MAPKAPK2: variants seen among roughly 807,000 people sequenced by gnomAD.
MAPKAPK2 encodes MAP kinase-activated protein kinase 2.
Under a neutral mutation model 48.8 loss-of-function variants are expected in MAPKAPK2, and 9 were observed. The observed-to-expected ratio is 0.18, with a 90% CI of 0.11 to 0.32. The LOEUF (loss-of-function observed/expected upper bound fraction) is 0.32. Among genes scored for constraint, MAPKAPK2 ranks in the 10% least tolerant of loss-of-function variants. The pLI is 1.00. For synonymous variants in MAPKAPK2, 202 were observed against 190.6 expected (o/e 1.06, Z -0.49); for missense variants, 331 against 498.3 (o/e 0.66, Z 3.20).
At chr1:206,696,003 A>G in intron 1 of MAPKAPK2, 1 of 771,444 alleles carries the variant, frequency 1.3e-6, no homozygotes, top group Non-Finnish European at 2.4e-6. Context: ...TTCGATGTGT[A>G]GGGCAGTGAT....
intron 1 of MAPKAPK2, among the ~76,000 whole-genome samples, chr1:206,698,876 G>C (rs1553427479): frequency 6.6e-6 from 1 of 152,172 alleles, no homozygotes; most frequent in African/African-American, 2.4e-5. Flanking sequence ...AAGTGCAAAG[G>C]CAAAAGCCTG....
At chr1:206,710,192 ATG>A (rs1673093771) in intron 1 of MAPKAPK2, among the ~76,000 whole-genome samples, 1 of 152,228 alleles carries the variant, frequency 6.6e-6, no homozygotes, top group African/African-American at 2.4e-5. Context: ...GCCAGGATAT[ATG>A]TATTACAAGT....
chr1:206,706,705 G>A (rs367578129), intron 1 of MAPKAPK2, among the ~76,000 whole-genome samples: 9 of 152,212 alleles, frequency 5.9e-5, no homozygotes, highest in Admixed American at 5.2e-4. Flanking sequence ...CTGGGAAGAC[G>A]TTCAGGCCAC....
intron 1 of MAPKAPK2, among the ~76,000 whole-genome samples, chr1:206,686,437 G>C (rs555622804): frequency 6.6e-6 from 1 of 152,322 alleles, no homozygotes; most frequent in East Asian, 1.9e-4. Context: ...AAACACAATG[G>C]ACTGGGAGGT....
At chr1:206,688,505 T>C (rs576175708) in intron 1 of MAPKAPK2, among the ~76,000 whole-genome samples, 1 of 152,264 alleles carries the variant, frequency 6.6e-6, no homozygotes, top group Non-Finnish European at 1.5e-5. Flanking sequence ...CTGAGAACAG[T>C]CCCCAAAGTT....
intron 1 of MAPKAPK2, among the ~76,000 whole-genome samples, chr1:206,695,283 A>C (rs1553426827): frequency 6.6e-6 from 1 of 152,160 alleles, no homozygotes; most frequent in East Asian, 1.9e-4. Flanking sequence ...ACCCTCAGCT[A>C]TGGAAGGAAG....
At chr1:206,692,182 T>C (rs150216016) in intron 1 of MAPKAPK2, among the ~76,000 whole-genome samples, 2,092 of 151,912 alleles carry the variant, frequency 0.014, 24 homozygotes, top group Non-Finnish European at 0.019. Context: ...CCAGCCACTG[T>C]CTCCTTGCTT....
At chr1:206,727,908 C>A (rs1010019555) in intron 1 of MAPKAPK2, among the ~76,000 whole-genome samples, 2 of 152,216 alleles carry the variant, frequency 1.3e-5, no homozygotes, top group East Asian at 3.9e-4. Context: ...CAGGCACGAG[C>A]CACCGTGCCC....
chr1:206,730,607 G>A, intron 5 of MAPKAPK2, 81 bp from the exon 6 acceptor site: 1 of 1,217,480 alleles, frequency 8.2e-7, no homozygotes, highest in South Asian at 1.2e-5. Flanking sequence ...AGGTTGGGAT[G>A]GGGAGCATCT....
chr1:206,729,305 A>C, intron 3 of MAPKAPK2, 91 bp from the exon 4 acceptor site: 2 of 1,206,584 alleles, frequency 1.7e-6, no homozygotes, highest in Non-Finnish European at 2.5e-6. Flanking sequence ...CTCAGGCTGC[A>C]CAGAGGTGGG....
In MAPKAPK2 at chr1:206,701,380, G is replaced by A. The variant is rs370865646; in HGVS notation, c.279+15872G>A. The stretch of plus-strand genomic sequence containing the variant: ...AGATAGAGAACATTTTATCATCACA[G>A]AATAGTCTCTTAGACAATGCAAGAT... On this transcript the variant is annotated intron_variant, in intron 1 of 9. Coordinates refer to ENST00000367103, the MANE Select transcript of MAPKAPK2 (RefSeq NM_032960.4). Among the ~76,000 whole-genome samples the A allele has an allele frequency of 2.2e-4, 33 of 152,298 alleles. 1 individual carries two copies. The East Asian group carries it at 6.2e-3, about 28-fold the overall frequency.
Position 206,685,108 on chromosome 1 carries a change from A to C in MAPKAPK2, c.-122A>C. 5.0e-6 allele frequency: 1 copy of C among 198,404 alleles called. No individual in the cohort carries two copies. Among genetic ancestry groups the C allele is most frequent in the Non-Finnish European group, 9.9e-6 (1 of 100,604 alleles). 12.3% of individuals were successfully genotyped at this position (198,404 alleles called of 1,614,324 possible). ...AGCCTGGAGCCGGGCCGGGTCGGGG[A>C]AGCCGGCTCCAGCCCGGAGCGAACT... On this transcript the variant is annotated 5_prime_UTR_variant, in exon 1 of 10. Coordinates refer to ENST00000367103, the MANE Select transcript of MAPKAPK2 (RefSeq NM_032960.4).
In MAPKAPK2 at chr1:206,732,445, C is replaced by T. The variant is rs1025000952; in HGVS notation, c.1060-130C>T. ...TGGACCACTAACCAGCCCGTCTTCT[C>T]TCTCTGCTCCCACCCCTGCCGCCCT... On this transcript the variant is annotated intron_variant, in intron 9 of 9. Coordinates refer to ENST00000367103, the MANE Select transcript of MAPKAPK2 (RefSeq NM_032960.4). The surrounding 1 kb of genome is among the most constrained non-coding windows in gnomAD (Gnocchi z 4.4). 4 of 1,492,806 alleles carry T rather than the reference C, an allele frequency of 2.7e-6. No homozygotes were observed. The African/African-American group carries it at 4.2e-5, about 16-fold the overall frequency. 92.5% of individuals were successfully genotyped at this position (1,492,806 alleles called of 1,614,324 possible). A position where few individuals can be genotyped will look rare whatever the true frequency, so the allele number is the denominator to read the frequency against.
intron 1 of MAPKAPK2, among the ~76,000 whole-genome samples, chr1:206,722,844 G>A (rs990329615): frequency 4.6e-5 from 7 of 152,206 alleles, no homozygotes; most frequent in African/African-American, 1.4e-4. Flanking sequence ...CAGAGCACCC[G>A]GGCCAGCCAT....
At chr1:206,710,447 G>C (rs1347865407) in intron 1 of MAPKAPK2, among the ~76,000 whole-genome samples, 1 of 152,182 alleles carries the variant, frequency 6.6e-6, no homozygotes, top group Admixed American at 6.5e-5. Flanking sequence ...GAGGGAATTG[G>C]CCAAGAAAGA....
At chr1:206,687,202 A>G (rs910808142) in intron 1 of MAPKAPK2, among the ~76,000 whole-genome samples, 6 of 152,182 alleles carry the variant, frequency 3.9e-5, no homozygotes, top group African/African-American at 1.2e-4. Context: ...ATATTATGTA[A>G]AGACTTCAGA....
chr1:206,709,627 C>G (rs1419514390), intron 1 of MAPKAPK2, among the ~76,000 whole-genome samples: 2 of 152,188 alleles, frequency 1.3e-5, no homozygotes, highest in Non-Finnish European at 2.9e-5. Context: ...ATACTAATGG[C>G]ATTTATTATG....
intron 1 of MAPKAPK2, among the ~76,000 whole-genome samples, chr1:206,696,969 C>A (rs1310660489): frequency 6.6e-6 from 1 of 152,160 alleles, no homozygotes; most frequent in Non-Finnish European, 1.5e-5. Flanking sequence ...TGCTCTTAGT[C>A]TTCTGAGCAT....
chr1:206,686,406 A>G (rs1672290063), intron 1 of MAPKAPK2, among the ~76,000 whole-genome samples: 1 of 152,234 alleles, frequency 6.6e-6, no homozygotes, highest in African/African-American at 2.4e-5. Context: ...GATTCAAGTG[A>G]GAATATCGAC....
Sources: gnomAD v4.1 joint callset for allele counts (sites outside exome capture counted in the v4.1 genomes callset) on GRCh38, gnomAD v4.1.1 for gene constraint, Gnocchi (gnomAD v3.1) non-coding constraint, MANE v1.5 for transcripts, NCBI Gene and HGNC (gene_info 2026-07-23, HGNC 2026-07-21) for gene names.